Variants in GRIP1 observed in about 807,000 individuals in gnomAD.
GRIP1 encodes glutamate receptor interacting protein 1, also known as glutamate receptor-interacting protein 1.
A neutral mutation model predicts 129.9 loss-of-function variants in GRIP1; 45 were observed. That is an observed-to-expected ratio of 0.35 (90% confidence interval 0.27 to 0.44). GRIP1 has a LOEUF of 0.44. Ranked by LOEUF, GRIP1 falls within the 20% of genes least tolerant of loss-of-function variation. GRIP1 has a pLI of 1.00. For synonymous variants in GRIP1, 530 were observed against 520.8 expected (o/e 1.02, Z -0.24); for missense variants, 1,196 against 1,396.8 (o/e 0.86, Z 2.29).
chr12:66,841,453 C>T (rs2039714502), intron 1 of GRIP1, among the ~76,000 whole-genome samples: 1 of 152,172 alleles, frequency 6.6e-6, no homozygotes, highest in African/African-American at 2.4e-5. Context: ...ACATATATCA[C>T]CATCTAATAA....
intron 1 of GRIP1, among the ~76,000 whole-genome samples, chr12:67,053,589 C>T (rs1258009538): frequency 6.6e-6 from 1 of 152,136 alleles, no homozygotes. Context: ...CCTGTAATCC[C>T]AGCACTTTGG....
At chr12:66,908,060 T>G (rs990971283) in intron 1 of GRIP1, among the ~76,000 whole-genome samples, 3 of 152,240 alleles carry the variant, frequency 2.0e-5, no homozygotes, top group Non-Finnish European at 4.4e-5. Context: ...TTTAAGAACT[T>G]TGTTAAACTT....
intron 7 of GRIP1, among the ~76,000 whole-genome samples, chr12:66,484,575 A>G (rs1203582867): frequency 1.3e-5 from 2 of 152,210 alleles, no homozygotes; most frequent in African/African-American, 2.4e-5. Flanking sequence ...TATGCCACGC[A>G]CAGAAAGACA....
intron 1 of GRIP1, among the ~76,000 whole-genome samples, chr12:66,613,820 G>A (rs1439822790): frequency 6.6e-6 from 1 of 152,150 alleles, no homozygotes; most frequent in Non-Finnish European, 1.5e-5. Context: ...TCTGTGCAAG[G>A]ATGAAATAAA....
intron 2 of GRIP1, among the ~76,000 whole-genome samples, chr12:66,555,951 A>C (rs2062315768): frequency 6.6e-6 from 1 of 152,174 alleles, no homozygotes; most frequent in Admixed American, 6.5e-5. Context: ...CAAACCTAAG[A>C]GTTATTAACC....
intron 7 of GRIP1, among the ~76,000 whole-genome samples, chr12:66,469,104 C>A (rs1022392133): frequency 1.3e-5 from 2 of 152,170 alleles, no homozygotes; most frequent in African/African-American, 4.8e-5. Context: ...CAGTGTGGTG[C>A]TACACAAGGC....
chr12:66,856,825 G>A (rs1320811555), intron 1 of GRIP1, among the ~76,000 whole-genome samples: 13 of 151,850 alleles, frequency 8.6e-5, no homozygotes, highest in Non-Finnish European at 8.8e-5. Context: ...TGATTCCTCA[G>A]GGATCTAGAA....
intron 7 of GRIP1, among the ~76,000 whole-genome samples, chr12:66,501,038 T>G (rs2060378006): frequency 6.6e-6 from 1 of 152,174 alleles, no homozygotes; most frequent in African/African-American, 2.4e-5. Flanking sequence ...ATCACGGTTG[T>G]GAAACCTGTG....
At chr12:67,046,954 C>T (rs968619393) in intron 1 of GRIP1, among the ~76,000 whole-genome samples, 6 of 152,154 alleles carry the variant, frequency 3.9e-5, no homozygotes, top group African/African-American at 9.6e-5. Flanking sequence ...AATGAGAAGT[C>T]GAAAGGATTT....
chr12:66,925,840 C>G (rs1282360504), intron 1 of GRIP1, among the ~76,000 whole-genome samples: 3 of 152,250 alleles, frequency 2.0e-5, no homozygotes, highest in African/African-American at 7.2e-5. Context: ...GACAGTGTTT[C>G]TCCAAGTTGG....
At chr12:67,044,107 C>T (rs942160444) in intron 1 of GRIP1, among the ~76,000 whole-genome samples, 2 of 152,094 alleles carry the variant, frequency 1.3e-5, no homozygotes, top group Non-Finnish European at 2.9e-5. Context: ...AACTAGAAAA[C>T]CACACTAATG....
intron 1 of GRIP1, among the ~76,000 whole-genome samples, chr12:66,842,478 G>A (rs1592895669): frequency 6.6e-6 from 1 of 151,900 alleles, no homozygotes; most frequent in Admixed American, 6.6e-5. Context: ...GTTTCCTTTG[G>A]GTGTTGTTAT....
intron 1 of GRIP1, among the ~76,000 whole-genome samples, chr12:66,693,839 TGAA>T (rs981412862): frequency 2.0e-5 from 3 of 152,176 alleles, no homozygotes; most frequent in African/African-American, 7.2e-5. Flanking sequence ...ATACATAAAA[TGAA>T]GGACTATGCT....
At chr12:66,912,773 C>A (rs549177488) in intron 1 of GRIP1, among the ~76,000 whole-genome samples, 2 of 152,060 alleles carry the variant, frequency 1.3e-5, no homozygotes, top group South Asian at 4.2e-4. Flanking sequence ...GGGCTACAAT[C>A]GAAGAAGTCA....
At chr12:67,046,750 T>C (rs547772976) in intron 1 of GRIP1, among the ~76,000 whole-genome samples, 1 of 152,338 alleles carries the variant, frequency 6.6e-6, no homozygotes, top group East Asian at 1.9e-4. Context: ...AATTTACATG[T>C]AAGTATGGAA....
At chr12:66,946,924 A>G (rs1223150244) in intron 1 of GRIP1, among the ~76,000 whole-genome samples, 1 of 151,612 alleles carries the variant, frequency 6.6e-6, no homozygotes, top group Non-Finnish European at 1.5e-5. Flanking sequence ...GGCACCTGTA[A>G]TCCCAGCTAC....
chr12:66,992,411 A>T (rs1351201031), intron 1 of GRIP1, among the ~76,000 whole-genome samples: 3 of 152,146 alleles, frequency 2.0e-5, no homozygotes, highest in Non-Finnish European at 4.4e-5. Context: ...TTCCAATATC[A>T]GTGTGTTTGG....
At chr12:66,981,005 T>A (rs2042235372) in intron 1 of GRIP1, among the ~76,000 whole-genome samples, 1 of 152,224 alleles carries the variant, frequency 6.6e-6, no homozygotes, top group Admixed American at 6.5e-5. Context: ...TGTTTCCTAC[T>A]TTTCCTAGGG....
chr12:66,745,113 T>TG (rs35362866), intron 1 of GRIP1, among the ~76,000 whole-genome samples: 61,627 of 151,716 alleles, frequency 0.41, 13,247 homozygotes, highest in East Asian at 0.63. Context: ...GAGATTTCTA[T>TG]GGCTCCCTGG....
Sources: allele counts gnomAD v4.1 joint callset (sites outside exome capture counted in the v4.1 genomes callset), GRCh38; gene constraint gnomAD v4.1.1; transcripts MANE v1.5; gene names NCBI Gene and HGNC (gene_info 2026-07-23, HGNC 2026-07-21).